The following P2RX4 variants were observed in gnomAD, a reference collection of about 807,000 sequenced individuals.
The protein encoded by P2RX4 is purinergic receptor P2X 4.
In P2RX4, 37 loss-of-function variants were observed where a neutral mutation model predicts 48.0. That is an observed-to-expected ratio of 0.77 (90% CI 0.59 to 1.01). The LOEUF is 1.01. P2RX4 is among the 50% of genes least tolerant of loss of function. The probability of loss-of-function intolerance (pLI) is 0.00; values close to 1 mark genes in which losing one functional copy is unlikely to be tolerated. For synonymous variants in P2RX4, 200 were observed against 199.7 expected (o/e 1.00, Z -0.01); for missense variants, 501 against 521.4 (o/e 0.96, Z 0.38).
At position 121,233,997 on chromosome 12, in the gene P2RX4, G is replaced by A; in HGVS notation, c.*448G>A. Reference sequence around the variant, plus strand: ...GACTTGTAGCAGGCCTGGGCTGCAGGCTTCCCCCCGACCATTCCCTGCAGC... The same window carrying A: ...GACTTGTAGCAGGCCTGGGCTGCAGACTTCCCCCCGACCATTCCCTGCAGC... On this transcript the variant is annotated 3_prime_UTR_variant, in exon 12 of 12. Transcript: ENST00000337233. 1 of 209,666 alleles carries A rather than the reference G, an allele frequency of 4.8e-6. No homozygotes were observed. Among genetic ancestry groups the A allele is most frequent in the South Asian group, 8.8e-5 (1 of 11,302 alleles). The allele number at this position is 209,666 out of a possible 1,614,324, so 13.0% of individuals were successfully genotyped here.
chr12:121,230,993 T>TTTC (rs1555238306), intron 8 of P2RX4, among the ~76,000 whole-genome samples: 1,941 of 147,926 alleles, frequency 0.013, 21 homozygotes, highest in Admixed American at 0.042. Flanking sequence ...TTTTTTTTTT[T>TTTC]TTCTTCTTTT....
In P2RX4 at chr12:121,223,093, A is replaced by G. The variant is rs76852026; in HGVS notation, c.524+50A>G. 129 of 1,210,882 alleles carry G rather than the reference A, an allele frequency of 1.1e-4. No homozygotes were observed. In the East Asian group the frequency reaches 3.0e-3, roughly 28 times the overall value. The allele number at this position is 1,210,882 out of a possible 1,614,324, so 75.0% of individuals were successfully genotyped here. A position where few individuals can be genotyped will look rare whatever the true frequency, so the allele number is the denominator to read the frequency against. ...GTGCCTTTTTGTTTTGTTTTGTTTTAGACACAGTTTCACTCTGTATCCCAG... is the reference window on the plus strand; with the variant it reads ...GTGCCTTTTTGTTTTGTTTTGTTTTGGACACAGTTTCACTCTGTATCCCAG... On this transcript the variant is annotated intron_variant, in intron 5 of 11. Transcript: ENST00000337233.
chr12:121,229,164 T>G lies in P2RX4; in HGVS notation c.884+65T>G, dbSNP rs1887190646. 6.3e-7 allele frequency: 1 copy of G among 1,590,436 alleles called. No homozygotes were observed. Reference sequence around the variant, plus strand: ...GTGCTGGTGGCTGCGTACGTGCCAGTGGGCCGCCCACTGAAGACCAGCACT... The same window carrying G: ...GTGCTGGTGGCTGCGTACGTGCCAGGGGGCCGCCCACTGAAGACCAGCACT... On this transcript the variant is annotated intron_variant, in intron 8 of 11. Transcript: ENST00000337233. The surrounding 1 kb of genome is among the most constrained non-coding windows in gnomAD (Gnocchi z 4.6).
intron 1 of P2RX4, chr12:121,216,891 C>T: frequency 7.1e-6 from 5 of 699,508 alleles, no homozygotes; most frequent in Non-Finnish European, 1.3e-5. Context: ...TCTGTGCCAT[C>T]AGTGTGCTGA....
Position 121,223,020 on chromosome 12 carries a change from G to A in P2RX4, c.501G>A (p.Val167=). ...KTCEVAAWCP[V]EDDTHVPQPA... is the part of the protein sequence containing the mutation. ...GTGAGGTGGCGGCCTGGTGCCCGGT[G>A]GAGGATGACACACACGTGCCACAGT... Residue 167 remains valine, a synonymous_variant, in exon 5 of 12, where the codon GTG becomes GTA. Coordinates refer to ENST00000337233, the MANE Select transcript of P2RX4 (RefSeq NM_002560.3). 6.2e-7 allele frequency: 1 copy of A among 1,611,716 alleles called. No individual in the cohort carries two copies. Among genetic ancestry groups the A allele is most frequent in the Non-Finnish European group, 8.5e-7 (1 of 1,177,828 alleles).
At position 121,232,386 on chromosome 12, in the gene P2RX4, C is replaced by G. The variant is rs745837107; in HGVS notation, c.885-28C>G. 5 of 1,518,174 alleles carry G rather than the reference C, an allele frequency of 3.3e-6. No homozygotes were observed. In the African/African-American group the frequency reaches 5.6e-5, roughly 17 times the overall value. The allele number at this position is 1,518,174 out of a possible 1,614,324, so 94.0% of individuals were successfully genotyped here. The stretch of plus-strand genomic sequence containing the variant: ...GCCCAAGGTCCTGCCCCAGCCATCT[C>G]CCCCTGATCCATCCTCCTTCCCCTC... On this transcript the variant is annotated intron_variant, in intron 8 of 11. Coordinates refer to ENST00000337233, the MANE Select transcript of P2RX4 (RefSeq NM_002560.3). This position sits in a 1 kb window ranked among gnomAD's most constrained non-coding sequence, Gnocchi z 4.3.
intron 1 of P2RX4, chr12:121,214,001 G>A (rs555190967): frequency 6.6e-6 from 1 of 152,248 alleles, no homozygotes; most frequent in African/African-American, 2.4e-5. Context: ...GGAATTTTGA[G>A]ACCAGCCTGG....
In P2RX4 at chr12:121,224,221, A is replaced by G. The variant is rs565595068; in HGVS notation, c.524+1178A>G. On this transcript the variant is annotated intron_variant, in intron 5 of 11. Transcript: ENST00000337233. Reference sequence around the variant, plus strand: ...AGCATTGGGGAGATATGGCTTCCAAAGGACATTTGGGGTTCTGTTACCAGA... The same window carrying G: ...AGCATTGGGGAGATATGGCTTCCAAGGGACATTTGGGGTTCTGTTACCAGA... Among the ~76,000 whole-genome samples, 3 of 152,312 alleles carry G rather than the reference A, an allele frequency of 2.0e-5. No individual in the cohort carries two copies. In the East Asian group the frequency reaches 5.8e-4, roughly 29 times the overall value.
At chr12:121,211,469 G>A (rs1221819793) in intron 1 of P2RX4, among the ~76,000 whole-genome samples, 1 of 152,040 alleles carries the variant, frequency 6.6e-6, no homozygotes, top group Non-Finnish European at 1.5e-5. Context: ...GATTACAGGC[G>A]TGAGCCCCCA....
At chr12:121,223,681 AAC>A (rs1381874121) in intron 5 of P2RX4, among the ~76,000 whole-genome samples, 8 of 152,348 alleles carry the variant, frequency 5.3e-5, no homozygotes, top group Admixed American at 3.9e-4. Context: ...CATGTGCACA[AAC>A]ACATACACAC....
intron 5 of P2RX4, among the ~76,000 whole-genome samples, chr12:121,226,465 C>T (rs901140767): frequency 6.6e-6 from 1 of 151,940 alleles, no homozygotes; most frequent in Admixed American, 6.6e-5. Context: ...ATTGCTTGAA[C>T]CCGGGAGATA....
chr12:121,228,004 A>T (rs908829542), intron 5 of P2RX4, among the ~76,000 whole-genome samples: 1 of 151,672 alleles, frequency 6.6e-6, no homozygotes, highest in Admixed American at 6.6e-5. Context: ...CTGAGGTGGG[A>T]GAACCCCCTG....
chr12:121,222,252 A>G (rs760851878), intron 4 of P2RX4, 86 bp downstream of exon 4: 7 of 942,536 alleles, frequency 7.4e-6, no homozygotes, highest in South Asian at 6.5e-5. Context: ...AATCTTCCCA[A>G]TTCCTTCACA....
rs1887192506 is a variant in P2RX4, at chr12:121,229,193, G to A, written c.884+94G>A. On this transcript the variant is annotated intron_variant, in intron 8 of 11. Transcript: ENST00000337233. This position sits in a 1 kb window ranked among gnomAD's most constrained non-coding sequence, Gnocchi z 4.6. ...CCGCCCACTGAAGACCAGCACTCAG[G>A]CAGCACCCCAAGGGCAGGCTGCCGG... is the stretch of plus-strand genomic sequence containing the variant. 4.7e-6 allele frequency: 7 copies of A among 1,484,712 alleles called. No individual in the cohort carries two copies. In the East Asian group the frequency reaches 1.4e-4, roughly 29 times the overall value. The allele number at this position is 1,484,712 out of a possible 1,614,324, so 92.0% of individuals were successfully genotyped here.
chr12:121,210,755 G>A (rs1341057991), intron 1 of P2RX4, among the ~76,000 whole-genome samples: 1 of 152,194 alleles, frequency 6.6e-6, no homozygotes, highest in Non-Finnish European at 1.5e-5. Flanking sequence ...CTCGAGCCTG[G>A]GAGACAGTCC....
At position 121,228,573 on chromosome 12, in the gene P2RX4, G is replaced by A; in HGVS notation, c.565G>A (p.Val189Ile). The change falls in exon 6 of 12, where the codon GTT becomes ATT. Residue 189 changes from valine (V) to isoleucine (I), a missense_variant. Transcript: ENST00000337233. ...LKAAENFTLL[V>I]KNNIWYPKFN... The stretch of plus-strand genomic sequence containing the variant: ...GGCTGCAGAAAACTTCACTCTTTTG[G>A]TTAAGAACAACATCTGGTATCCCAA... 1 of 1,613,306 alleles carries A rather than the reference G, an allele frequency of 6.2e-7. No individual in the cohort carries two copies. The highest frequency in any genetic ancestry group is 1.7e-5 in the Admixed American group (1 of 59,876).
At chr12:121,221,765 G>A in intron 2 of P2RX4, 148 bp from the exon 3 acceptor site, 2 of 703,354 alleles carry the variant, frequency 2.8e-6, no homozygotes, top group Non-Finnish European at 2.6e-6. Context: ...TTGAGTCACT[G>A]TTTTCCATTG....
Position 121,223,635 on chromosome 12 carries a change from A to T in P2RX4, c.524+592A>T, listed in dbSNP as rs1286654772. Among the ~76,000 whole-genome samples the T allele has an allele frequency of 3.3e-5, 5 of 152,328 alleles. No individual in the cohort carries two copies. The East Asian group carries it at 9.6e-4, about 29-fold the overall frequency. ...TATGTTAGGACTCTGTCAGTTGCAA[A>T]TAACTGACAGGAAACAGTTCTCAGT... On this transcript the variant is annotated intron_variant, in intron 5 of 11. Transcript: ENST00000337233.
intron 5 of P2RX4, among the ~76,000 whole-genome samples, chr12:121,223,631 G>T (rs763352591): frequency 2.6e-5 from 4 of 152,184 alleles, no homozygotes; most frequent in Non-Finnish European, 4.4e-5. Flanking sequence ...TCTGTCAGTT[G>T]CAAATAACTG....
Sources: allele counts gnomAD v4.1 joint callset (sites outside exome capture counted in the v4.1 genomes callset), GRCh38; gene constraint gnomAD v4.1.1; non-coding constraint Gnocchi (gnomAD v3.1); transcripts MANE v1.5; gene names NCBI Gene and HGNC (gene_info 2026-07-23, HGNC 2026-07-21).